Variants in SLC24A3 observed in about 807,000 individuals in gnomAD.
SLC24A3 encodes sodium/potassium/calcium exchanger 3.
A neutral mutation model predicts 75.8 loss-of-function variants in SLC24A3; 28 were observed. The ratio of observed to expected loss-of-function variants is 0.37; its 90% CI spans 0.27 to 0.51. The LOEUF (loss-of-function observed/expected upper bound fraction) is 0.51, where lower values mean the gene tolerates loss of function less well. Among genes scored for constraint, SLC24A3 ranks in the 20% least tolerant of loss-of-function variants. The pLI is 0.94. For synonymous variants in SLC24A3, 372 were observed against 334.1 expected (o/e 1.11, Z -1.24); for missense variants, 663 against 847.8 (o/e 0.78, Z 2.71).
intron 1 of SLC24A3, among the ~76,000 whole-genome samples, chr20:19,279,341 C>T (rs1040719725): frequency 3.3e-5 from 5 of 152,210 alleles, no homozygotes; most frequent in African/African-American, 1.2e-4. Context: ...AGCATTGCCT[C>T]AGGTCCCTTC....
intron 2 of SLC24A3, among the ~76,000 whole-genome samples, chr20:19,505,022 A>G (rs1042071932): frequency 6.6e-6 from 1 of 152,208 alleles, no homozygotes; most frequent in African/African-American, 2.4e-5. Context: ...TTGATAAAGA[A>G]ATATGTTTCT....
chr20:19,498,215 A>G (rs533615584), intron 2 of SLC24A3, among the ~76,000 whole-genome samples: 1 of 152,134 alleles, frequency 6.6e-6, no homozygotes, highest in East Asian at 1.9e-4. Flanking sequence ...CTGATTCTAC[A>G]TGGAGGTGAG....
intron 3 of SLC24A3, 109 bp downstream of exon 3, chr20:19,515,673 C>T (rs1291076866): frequency 1.8e-6 from 2 of 1,086,672 alleles, no homozygotes; most frequent in East Asian, 4.8e-5. Flanking sequence ...CTCCTGTTCC[C>T]ACGCTGCCTG....
intron 2 of SLC24A3, among the ~76,000 whole-genome samples, chr20:19,312,574 C>G (rs1984486128): frequency 6.6e-6 from 1 of 152,228 alleles, no homozygotes; most frequent in South Asian, 2.1e-4. Flanking sequence ...TTCATGATCT[C>G]TTCCTATTCA....
Position 19,721,189 on chromosome 20 carries a change from G to C in SLC24A3, c.*49G>C, listed in dbSNP as rs755287146. ...CAGCTCCTTCTTTTCTGTGCAATAC[G>C]AGACCCGGCCGCACCCCGAGTCACA... On this transcript the variant is annotated 3_prime_UTR_variant, in exon 17 of 17. Coordinates refer to ENST00000328041, the MANE Select transcript of SLC24A3 (RefSeq NM_020689.4). 6.2e-7 allele frequency: 1 copy of C among 1,605,458 alleles called. No individual in the cohort carries two copies. The highest frequency in any genetic ancestry group is 8.5e-7 in the Non-Finnish European group (1 of 1,177,036).
rs771155514 is a variant in SLC24A3, at chr20:19,665,821, G to A, written c.688-43G>A. 29 of 1,538,478 alleles carry A rather than the reference G, an allele frequency of 1.9e-5. No homozygotes were observed. The Admixed American group carries it at 3.4e-4, about 18-fold the overall frequency. On this transcript the variant is annotated intron_variant, in intron 7 of 16. Transcript: ENST00000328041. ...TGTGTGTGTGTGTGTGTGTGTGTGT[G>A]TGTGTGTGTGTCTAATCTTCTATTC...
At chr20:19,399,971 A>G (rs1986520546) in intron 2 of SLC24A3, among the ~76,000 whole-genome samples, 1 of 152,208 alleles carries the variant, frequency 6.6e-6, no homozygotes, top group Non-Finnish European at 1.5e-5. Context: ...TTTTTCTCAG[A>G]TAGTGTGGTT....
At chr20:19,607,772 C>T (rs2031617032) in intron 6 of SLC24A3, among the ~76,000 whole-genome samples, 1 of 152,256 alleles carries the variant, frequency 6.6e-6, no homozygotes, top group African/African-American at 2.4e-5. Flanking sequence ...TCTCTCTGTT[C>T]TTTATCCTCT....
At chr20:19,376,494 G>T (rs957625976) in intron 2 of SLC24A3, among the ~76,000 whole-genome samples, 1 of 152,164 alleles carries the variant, frequency 6.6e-6, no homozygotes, top group Non-Finnish European at 1.5e-5. Flanking sequence ...GTGGATAATC[G>T]TGGCAGGCTA....
At chr20:19,511,890 A>G (rs1202698124) in intron 2 of SLC24A3, among the ~76,000 whole-genome samples, 4 of 152,088 alleles carry the variant, frequency 2.6e-5, no homozygotes, top group Non-Finnish European at 4.4e-5. Context: ...CCACATTGCT[A>G]TTGGCCATCA....
chr20:19,280,159 G>T (rs1983616558), intron 1 of SLC24A3, among the ~76,000 whole-genome samples: 1 of 152,080 alleles, frequency 6.6e-6, no homozygotes, highest in Non-Finnish European at 1.5e-5. Flanking sequence ...CACTGCACTG[G>T]CCCCTTCAGT....
intron 1 of SLC24A3, among the ~76,000 whole-genome samples, chr20:19,263,016 A>G (rs558280530): frequency 4.2e-5 from 6 of 143,320 alleles, no homozygotes; most frequent in Admixed American, 2.8e-4. Context: ...CCCTCGCTCC[A>G]TCACCCACTC....
chr20:19,568,617 A>T (rs745407301), intron 3 of SLC24A3, among the ~76,000 whole-genome samples: 1 of 152,202 alleles, frequency 6.6e-6, no homozygotes, highest in African/African-American at 2.4e-5. Flanking sequence ...GAAAATGGGG[A>T]GTTATTGTTT....
intron 2 of SLC24A3, among the ~76,000 whole-genome samples, chr20:19,339,796 A>G (rs1464535179): frequency 6.6e-6 from 1 of 152,268 alleles, no homozygotes; most frequent in Non-Finnish European, 1.5e-5. Context: ...TTTACTAAGC[A>G]TGTTTGATAA....
chr20:19,602,796 G>A lies in SLC24A3; in HGVS notation c.612+17252G>A, dbSNP rs538929141. Among the ~76,000 whole-genome samples the A allele has an allele frequency of 1.5e-3, 224 of 152,248 alleles. 2 individuals are homozygous for A. Among genetic ancestry groups the A allele is most frequent in the African/African-American group, 5.3e-3 (219 of 41,542 alleles). On this transcript the variant is annotated intron_variant, in intron 6 of 16. Transcript: ENST00000328041. ...TGTCCAAACCAGATGGCAAAGGCAC[G>A]GGAGTCCCTGACTCTCTCTCTGCGC...
At chr20:19,638,840 C>T (rs569744597) in intron 6 of SLC24A3, among the ~76,000 whole-genome samples, 1 of 152,128 alleles carries the variant, frequency 6.6e-6, no homozygotes, top group Admixed American at 6.5e-5. Flanking sequence ...TGGAGTTGTT[C>T]GTTCCTCCCA....
chr20:19,262,826 C>T (rs1320586608), intron 1 of SLC24A3, among the ~76,000 whole-genome samples: 1 of 152,056 alleles, frequency 6.6e-6, no homozygotes, highest in East Asian at 1.9e-4. Context: ...ACAGCTCTAA[C>T]TTCAGCAGTG....
intron 7 of SLC24A3, among the ~76,000 whole-genome samples, chr20:19,661,379 C>T (rs1199094475): frequency 6.6e-6 from 1 of 152,102 alleles, no homozygotes; most frequent in Non-Finnish European, 1.5e-5. Flanking sequence ...TGCCTAACAG[C>T]CAGCTTCCCA....
intron 3 of SLC24A3, among the ~76,000 whole-genome samples, chr20:19,537,550 T>A (rs2030421049): frequency 6.6e-6 from 1 of 152,156 alleles, no homozygotes; most frequent in Admixed American, 6.5e-5. Context: ...GGATTATAAA[T>A]CATGCTGCTA....
Sources: allele counts gnomAD v4.1 joint callset (sites outside exome capture counted in the v4.1 genomes callset), GRCh38; gene constraint gnomAD v4.1.1; transcripts MANE v1.5; gene names NCBI Gene and HGNC (gene_info 2026-07-23, HGNC 2026-07-21).